MARCHF3: variants seen among roughly 807,000 people sequenced by gnomAD.
MARCHF3 encodes the protein E3 ubiquitin-protein ligase MARCHF3.
Under a neutral mutation model 24.2 loss-of-function variants are expected in MARCHF3, and 13 were observed. That is an observed-to-expected ratio of 0.54 (90% CI 0.35 to 0.85). MARCHF3 has a LOEUF of 0.85. Ranked by LOEUF, MARCHF3 falls within the 40% of genes least tolerant of loss-of-function variation. The pLI is 0.01. For synonymous variants in MARCHF3, 144 were observed against 137.3 expected (o/e 1.05, Z -0.34); for missense variants, 276 against 325.0 (o/e 0.85, Z 1.16).
intron 3 of MARCHF3, among the ~76,000 whole-genome samples, chr5:126,885,306 G>A (rs565872379): frequency 5.9e-5 from 9 of 152,278 alleles, no homozygotes; most frequent in African/African-American, 1.7e-4. Flanking sequence ...GGTGGTTTAC[G>A]CCTGTAATCT....
chr5:126,915,368 G>A (rs1754691083), intron 2 of MARCHF3, among the ~76,000 whole-genome samples: 1 of 152,228 alleles, frequency 6.6e-6, no homozygotes, highest in Admixed American at 6.5e-5. Flanking sequence ...AAGTAGCTGG[G>A]TGTGGCCCAG....
intron 1 of MARCHF3, among the ~76,000 whole-genome samples, chr5:127,025,133 T>C (rs1752953302): frequency 6.6e-6 from 1 of 152,034 alleles, no homozygotes; most frequent in Non-Finnish European, 1.5e-5. Flanking sequence ...AAATATTGTT[T>C]AAAACACAGA....
At chr5:126,988,831 C>A (rs573684125) in intron 1 of MARCHF3, among the ~76,000 whole-genome samples, 8 of 152,142 alleles carry the variant, frequency 5.3e-5, no homozygotes, top group African/African-American at 1.9e-4. Context: ...TGGAAGGGAA[C>A]CATGGCTTTT....
At chr5:127,018,513 G>C (rs375569209) in intron 1 of MARCHF3, among the ~76,000 whole-genome samples, 185 of 152,328 alleles carry the variant, frequency 1.2e-3, no homozygotes, top group African/African-American at 4.4e-3. Context: ...AGTCCTGGGA[G>C]GCACCTATGA....
chr5:126,953,592 A>C (rs181896005), intron 1 of MARCHF3, among the ~76,000 whole-genome samples: 50 of 152,336 alleles, frequency 3.3e-4, no homozygotes, highest in African/African-American at 1.2e-3. Flanking sequence ...TTAATGTCAT[A>C]TTGCTATACA....
At chr5:126,935,568 G>C (rs1305944448) in intron 1 of MARCHF3, among the ~76,000 whole-genome samples, 1 of 143,152 alleles carries the variant, frequency 7.0e-6, no homozygotes, top group Non-Finnish European at 1.5e-5. Flanking sequence ...AAACACCAAA[G>C]AGCCAATCTA....
At chr5:126,877,832 G>A (rs1175510689) in intron 4 of MARCHF3, among the ~76,000 whole-genome samples, 6 of 152,052 alleles carry the variant, frequency 3.9e-5, no homozygotes, top group African/African-American at 7.2e-5. Flanking sequence ...CTACAATCCC[G>A]GCAAAAATGA....
intron 3 of MARCHF3, among the ~76,000 whole-genome samples, chr5:126,883,237 T>C (rs1411784439): frequency 6.6e-6 from 1 of 152,200 alleles, no homozygotes; most frequent in African/African-American, 2.4e-5. Context: ...AGGTCAATGA[T>C]TGAGACTAGT....
intron 1 of MARCHF3, among the ~76,000 whole-genome samples, chr5:126,948,340 C>T (rs756234163): frequency 1.3e-5 from 2 of 152,240 alleles, no homozygotes; most frequent in East Asian, 1.9e-4. Flanking sequence ...ATCTTCAATT[C>T]GCAGTTGGTT....
At chr5:126,916,545 G>A (rs1004372594) in intron 2 of MARCHF3, among the ~76,000 whole-genome samples, 8 of 152,124 alleles carry the variant, frequency 5.3e-5, no homozygotes, top group East Asian at 3.9e-4. Context: ...TTGTGCCCAC[G>A]AGTGGGAAAA....
rs984219309 is a variant in MARCHF3, at chr5:126,903,317, G to A, written c.393+11613C>T. On this transcript the variant is annotated intron_variant, in intron 3 of 4. Coordinates refer to ENST00000308660, the MANE Select transcript of MARCHF3 (RefSeq NM_178450.5). The stretch of plus-strand genomic sequence containing the variant: ...ATAGAGAGAGCATGTCCCACCCAAA[G>A]GCATTCAAATTCCTCAATAAAAGTA... 2.6e-5 allele frequency among the ~76,000 whole-genome samples: 4 copies of A among 151,972 alleles called. 1 individual carries two copies. The highest frequency in any genetic ancestry group is 9.7e-5 in the African/African-American group (4 of 41,312).
chr5:126,951,450 C>T (rs144619564), intron 1 of MARCHF3, among the ~76,000 whole-genome samples: 2 of 152,224 alleles, frequency 1.3e-5, no homozygotes, highest in Admixed American at 6.5e-5. Context: ...TCCATGTAGC[C>T]GAGTGGAGAC....
intron 1 of MARCHF3, among the ~76,000 whole-genome samples, chr5:126,978,204 C>T (rs1233001994): frequency 6.6e-6 from 1 of 152,140 alleles, no homozygotes; most frequent in Admixed American, 6.5e-5. Flanking sequence ...TTTTCCAATA[C>T]TTTTGCAGCT....
chr5:126,882,180 G>A (rs1253640675), intron 3 of MARCHF3, among the ~76,000 whole-genome samples: 3 of 152,188 alleles, frequency 2.0e-5, no homozygotes, highest in African/African-American at 7.2e-5. Flanking sequence ...TCTCTTCCTT[G>A]TTTTCCTGCT....
intron 1 of MARCHF3, among the ~76,000 whole-genome samples, chr5:126,993,052 G>A (rs1415971965): frequency 6.6e-6 from 1 of 152,142 alleles, no homozygotes; most frequent in Non-Finnish European, 1.5e-5. Context: ...GATTACAGGC[G>A]TGAGCCACTG....
intron 1 of MARCHF3, among the ~76,000 whole-genome samples, chr5:126,943,397 C>A (rs190083953): frequency 6.6e-6 from 1 of 151,928 alleles, no homozygotes; most frequent in Non-Finnish European, 1.5e-5. Context: ...GGGAAACATA[C>A]GGAGATCCCG....
chr5:126,984,976 A>T (rs1414032300), intron 1 of MARCHF3, among the ~76,000 whole-genome samples: 1 of 152,164 alleles, frequency 6.6e-6, no homozygotes, highest in Non-Finnish European at 1.5e-5. Context: ...GAGGCCTCAG[A>T]GGCAGCCCTG....
intron 1 of MARCHF3, among the ~76,000 whole-genome samples, chr5:126,990,543 A>T (rs1289893270): frequency 1.3e-5 from 2 of 152,370 alleles, no homozygotes; most frequent in East Asian, 1.9e-4. Context: ...CAAAATAGGC[A>T]AACTGGATCT....
intron 1 of MARCHF3, among the ~76,000 whole-genome samples, chr5:127,008,798 C>A (rs998516432): frequency 2.0e-5 from 3 of 152,176 alleles, no homozygotes; most frequent in East Asian, 1.9e-4. Flanking sequence ...ACGGGCCAGA[C>A]AACCTGGTCC....
Sources: allele counts gnomAD v4.1 joint callset (sites outside exome capture counted in the v4.1 genomes callset), GRCh38; gene constraint gnomAD v4.1.1; transcripts MANE v1.5; gene names NCBI Gene and HGNC (gene_info 2026-07-23, HGNC 2026-07-21).